STT3B: variants seen among roughly 807,000 people sequenced by gnomAD.
The protein encoded by STT3B is dolichyl-diphosphooligosaccharide--protein glycosyltransferase subunit STT3B.
In STT3B, 29 loss-of-function variants were observed where a neutral mutation model predicts 96.8. The observed-to-expected ratio is 0.30, with a 90% CI of 0.22 to 0.41. STT3B has a LOEUF of 0.41. Among genes scored for constraint, STT3B ranks in the 10% least tolerant of loss-of-function variants. The probability of loss-of-function intolerance (pLI) is 1.00; values close to 1 mark genes in which losing one functional copy is unlikely to be tolerated. For missense variants in STT3B, 640 were observed against 1,022.3 expected, an observed-to-expected ratio of 0.63 and a Z score of 5.10; for synonymous variants, 367 against 360.0, an observed-to-expected ratio of 1.02 and a Z score of -0.22.
chr3:31,559,348 A>AGCTT (rs1697806716), intron 1 of STT3B, among the ~76,000 whole-genome samples: 1 of 92,740 alleles, frequency 1.1e-5, no homozygotes. Flanking sequence ...TATTGCTATA[A>AGCTT]ACTTAGCATG....
intron 1 of STT3B, among the ~76,000 whole-genome samples, chr3:31,566,769 C>G (rs999776070): frequency 9.2e-5 from 14 of 152,132 alleles, no homozygotes; most frequent in African/African-American, 3.4e-4. Flanking sequence ...ATCTTTTCTC[C>G]TCTACTCCCC....
At chr3:31,617,739 A>G (rs963073823) in intron 7 of STT3B, among the ~76,000 whole-genome samples, 15 of 152,174 alleles carry the variant, frequency 9.9e-5, no homozygotes, top group Middle Eastern at 3.4e-3. Flanking sequence ...TGGGTTCTCC[A>G]TGGATATTGT....
At chr3:31,590,590 A>C (rs1473008077) in intron 3 of STT3B, among the ~76,000 whole-genome samples, 2 of 151,810 alleles carry the variant, frequency 1.3e-5, no homozygotes, top group South Asian at 4.1e-4. Context: ...TTTTCTTAGC[A>C]TACTTTTTTT....
At chr3:31,554,662 G>T (rs1697659534) in intron 1 of STT3B, among the ~76,000 whole-genome samples, 2 of 152,058 alleles carry the variant, frequency 1.3e-5, no homozygotes, top group African/African-American at 4.8e-5. Flanking sequence ...TGTGATTTAT[G>T]TTGGAGGTCT....
chr3:31,603,405 G>A (rs1285958087), intron 5 of STT3B, among the ~76,000 whole-genome samples: 1 of 151,882 alleles, frequency 6.6e-6, no homozygotes. Flanking sequence ...GCTGAGATGG[G>A]AGGCCGTCTC....
At chr3:31,547,932 C>A (rs942866649) in intron 1 of STT3B, among the ~76,000 whole-genome samples, 1 of 152,104 alleles carries the variant, frequency 6.6e-6, no homozygotes, top group Non-Finnish European at 1.5e-5. Context: ...TTTCATGTCA[C>A]CTCAGATTTC....
intron 1 of STT3B, among the ~76,000 whole-genome samples, chr3:31,556,352 G>T (rs1697711057): frequency 6.6e-6 from 1 of 152,174 alleles, no homozygotes; most frequent in Non-Finnish European, 1.5e-5. Flanking sequence ...GAATAGTGCT[G>T]TAGTAAACGT....
chr3:31,626,187 C>G (rs1699533590), intron 13 of STT3B, 60 bp downstream of exon 13: 2 of 1,428,394 alleles, frequency 1.4e-6, no homozygotes, highest in Non-Finnish European at 1.9e-6. Context: ...TCGTAATTCT[C>G]TCATCTTGCT....
At position 31,619,697 on chromosome 3, in the gene STT3B, A is replaced by C. The variant is rs1699385339; in HGVS notation, c.1194A>C (p.Pro398=). ...CCAGGTATGCAAAAATACACATTCCAATTATTGCATCAGTGTCTGAGCATC... is the reference window on the plus strand; with the variant it reads ...CCAGGTATGCAAAAATACACATTCCCATTATTGCATCAGTGTCTGAGCATC... ...WDTGYAKIHI[P]IIASVSEHQP... Residue 398 remains proline, a synonymous_variant, in exon 9 of 16, where the codon CCA becomes CCC. Coordinates refer to ENST00000295770, the MANE Select transcript of STT3B (RefSeq NM_178862.3). 1 of 1,611,084 alleles carries C rather than the reference A, an allele frequency of 6.2e-7. No individual in the cohort carries two copies. The highest frequency in any genetic ancestry group is 1.3e-5 in the African/African-American group (1 of 74,774).
intron 1 of STT3B, among the ~76,000 whole-genome samples, chr3:31,560,932 C>T (rs1052337362): frequency 1.3e-5 from 2 of 151,908 alleles, no homozygotes; most frequent in Admixed American, 1.3e-4. Flanking sequence ...AGACTTTGTT[C>T]ATGTTTTTAA....
At chr3:31,553,383 T>G (rs1168651948) in intron 1 of STT3B, among the ~76,000 whole-genome samples, 1 of 152,132 alleles carries the variant, frequency 6.6e-6, no homozygotes, top group Non-Finnish European at 1.5e-5. Context: ...CAAATGCCCT[T>G]CAGAAGGGGA....
At chr3:31,557,412 A>G (rs1308457498) in intron 1 of STT3B, among the ~76,000 whole-genome samples, 1 of 152,086 alleles carries the variant, frequency 6.6e-6, no homozygotes, top group African/African-American at 2.4e-5. Context: ...AACAAATGAC[A>G]TTGGTATTTT....
At chr3:31,626,432 A>G (rs140505396) in intron 13 of STT3B, among the ~76,000 whole-genome samples, 21 of 152,184 alleles carry the variant, frequency 1.4e-4, no homozygotes, top group African/African-American at 5.1e-4. Context: ...CTTCCACTCT[A>G]GTACTTACCC....
rs370672500 is a variant in STT3B, at chr3:31,583,962, T to G, written c.711+3866T>G. ...TTTTTGTTGTTGTTGTTGCTTGTGC[T>G]TTTAGTGTCATATTTAAGGAAACTG... On this transcript the variant is annotated intron_variant, in intron 3 of 15. Transcript: ENST00000295770. Among the ~76,000 whole-genome samples, 4 of 152,186 alleles carry G rather than the reference T, an allele frequency of 2.6e-5. No homozygotes were observed. The East Asian group carries it at 5.8e-4, about 22-fold the overall frequency.
intron 1 of STT3B, among the ~76,000 whole-genome samples, chr3:31,541,936 T>A (rs1421048510): frequency 1.3e-5 from 2 of 152,180 alleles, no homozygotes; most frequent in Non-Finnish European, 2.9e-5. Flanking sequence ...CCTGTTCTTT[T>A]ATAGCGGGAG....
chr3:31,610,357 A>G (rs942585631), intron 5 of STT3B, among the ~76,000 whole-genome samples: 1 of 152,216 alleles, frequency 6.6e-6, no homozygotes, highest in Non-Finnish European at 1.5e-5. Flanking sequence ...AAAAATGCTA[A>G]TGTGATTTAA....
chr3:31,594,521 C>T (rs1698742869), intron 3 of STT3B, among the ~76,000 whole-genome samples: 1 of 152,088 alleles, frequency 6.6e-6, no homozygotes, highest in African/African-American at 2.4e-5. Flanking sequence ...CCTCCACCTC[C>T]CGGGTTCAAG....
chr3:31,567,316 C>T (rs1299993976), intron 1 of STT3B, among the ~76,000 whole-genome samples: 2 of 152,216 alleles, frequency 1.3e-5, no homozygotes, highest in Non-Finnish European at 2.9e-5. Flanking sequence ...TTATCACCAT[C>T]ATTGATCAAA....
chr3:31,583,055 C>G (rs1055548560), intron 3 of STT3B, among the ~76,000 whole-genome samples: 2 of 152,020 alleles, frequency 1.3e-5, no homozygotes, highest in African/African-American at 4.8e-5. Flanking sequence ...TCTTTTAGAC[C>G]TAGTTGGTTT....
Sources: gnomAD v4.1 joint callset for allele counts (sites outside exome capture counted in the v4.1 genomes callset) on GRCh38, gnomAD v4.1.1 for gene constraint, MANE v1.5 for transcripts, NCBI Gene and HGNC (gene_info 2026-07-23, HGNC 2026-07-21) for gene names.